The following HS6ST3 variants were observed in gnomAD, a reference collection of about 807,000 sequenced individuals.
HS6ST3 encodes the protein heparan-sulfate 6-O-sulfotransferase 3.
Under a neutral mutation model 36.7 loss-of-function variants are expected in HS6ST3, and 12 were observed. The observed-to-expected ratio is 0.33, with a 90% CI of 0.21 to 0.53. The LOEUF (loss-of-function observed/expected upper bound fraction) is 0.53, where lower values mean the gene tolerates loss of function less well. Among genes scored for constraint, HS6ST3 ranks in the 20% least tolerant of loss-of-function variants. The pLI, the probability that HS6ST3 is intolerant of heterozygous loss-of-function variation, is 0.95. For synonymous variants in HS6ST3, 240 were observed against 257.5 expected (o/e 0.93, Z 0.65); for missense variants, 584 against 640.9 (o/e 0.91, Z 0.96).
intron 1 of HS6ST3, among the ~76,000 whole-genome samples, chr13:96,672,664 C>T (rs2056686407): frequency 6.6e-6 from 1 of 152,096 alleles, no homozygotes; most frequent in Admixed American, 6.6e-5. Flanking sequence ...CCAACCGCTT[C>T]CTGAGAAAGA....
intron 1 of HS6ST3, among the ~76,000 whole-genome samples, chr13:96,551,106 A>G (rs570620602): frequency 4.0e-4 from 61 of 152,332 alleles, no homozygotes; most frequent in African/African-American, 1.4e-3. Flanking sequence ...GTTTACTCAG[A>G]GTATGCTAAT....
Position 96,801,424 on chromosome 13 carries a change from G to A in HS6ST3, c.708-31066G>A, listed in dbSNP as rs115561224. 3.8e-3 allele frequency among the ~76,000 whole-genome samples: 583 copies of A among 151,988 alleles called. 2 individuals carry two copies. The highest frequency in any genetic ancestry group is 0.013 in the African/African-American group (528 of 41,446). ...TCCAATATACCGTATGTCTTTCTAG[G>A]TTTATTTACCCTTCTGCTTGAATGG... On this transcript the variant is annotated intron_variant, in intron 1 of 1. Transcript: ENST00000376705.
In HS6ST3 at chr13:96,834,204, G is replaced by C. The variant is rs749798052; in HGVS notation, c.*1006G>C. ...CACAGAAAGAAAGATGTTTTTAAAA[G>C]CTTGGCCCAAAGAATAGGAACTTAG... On this transcript the variant is annotated 3_prime_UTR_variant, in exon 2 of 2. Coordinates refer to ENST00000376705, the MANE Select transcript of HS6ST3 (RefSeq NM_153456.4). The C allele has an allele frequency of 1.3e-5, 2 of 152,140 alleles. No homozygotes were observed. The highest frequency in any genetic ancestry group is 4.8e-5 in the African/African-American group (2 of 41,420). 9.4% of individuals were successfully genotyped at this position (152,140 alleles called of 1,614,324 possible). A position where few individuals can be genotyped will look rare whatever the true frequency, so the allele number is the denominator to read the frequency against.
intron 1 of HS6ST3, among the ~76,000 whole-genome samples, chr13:96,120,372 A>G (rs1272722824): frequency 1.3e-5 from 2 of 152,262 alleles, no homozygotes; most frequent in African/African-American, 2.4e-5. Context: ...CAGCTTTTGC[A>G]GTAATTTAAA....
intron 1 of HS6ST3, among the ~76,000 whole-genome samples, chr13:96,477,972 A>G (rs2055872143): frequency 6.6e-6 from 1 of 152,166 alleles, no homozygotes. Context: ...CCCAAACCAA[A>G]CAAAAACCTC....
chr13:96,219,011 G>A (rs147301266), intron 1 of HS6ST3, among the ~76,000 whole-genome samples: 10 of 152,032 alleles, frequency 6.6e-5, no homozygotes, highest in South Asian at 4.1e-4. Flanking sequence ...TGACAGGGCC[G>A]CATCTTTTCA....
chr13:96,091,259 G>C lies in HS6ST3; in HGVS notation c.397G>C (p.Asp133His). 1 of 1,609,512 alleles carries C rather than the reference G, an allele frequency of 6.2e-7. No homozygotes were observed. The highest frequency in any genetic ancestry group is 8.5e-7 in the Non-Finnish European group (1 of 1,177,940). ...GCCGCGCTTCAACTTCAGCCTGAAG[G>C]ACCTGACCCGCTTCGTGGATTTCAA... ...FVPRFNFSLK[D>H]LTRFVDFNIK... The change falls in exon 1 of 2, where the codon GAC (aspartate) becomes CAC (histidine). Residue 133 changes from aspartate (D) to histidine (H), a missense_variant. By Grantham distance (81) the Asp-to-His change is moderately conservative (BLOSUM62 -1). Around this residue, in one of 3 missense-constraint regions of HS6ST3, gnomAD observed 217 missense variants for 205.4 expected, o/e 1.06. Transcript: ENST00000376705.
At chr13:96,218,557 C>T (rs1175354143) in intron 1 of HS6ST3, among the ~76,000 whole-genome samples, 1 of 152,160 alleles carries the variant, frequency 6.6e-6, no homozygotes, top group Non-Finnish European at 1.5e-5. Flanking sequence ...CACTCACAGC[C>T]ACGTGGGGAG....
At chr13:96,547,631 C>T (rs1483939234) in intron 1 of HS6ST3, among the ~76,000 whole-genome samples, 17 of 152,168 alleles carry the variant, frequency 1.1e-4, no homozygotes, top group Admixed American at 1.1e-3. Context: ...GGTATTTCTG[C>T]AGAACATTTA....
intron 1 of HS6ST3, among the ~76,000 whole-genome samples, chr13:96,774,872 C>T (rs996504151): frequency 6.6e-6 from 1 of 152,082 alleles, no homozygotes; most frequent in Admixed American, 6.5e-5. Flanking sequence ...CCCCAAGACA[C>T]ATAATTGTCA....
intron 1 of HS6ST3, among the ~76,000 whole-genome samples, chr13:96,193,594 G>A (rs540203878): frequency 6.6e-6 from 1 of 152,024 alleles, no homozygotes; most frequent in Non-Finnish European, 1.5e-5. Context: ...TATTTAGGGT[G>A]ATACTGATTA....
At chr13:96,511,956 A>T (rs2056051593) in intron 1 of HS6ST3, among the ~76,000 whole-genome samples, 1 of 152,182 alleles carries the variant, frequency 6.6e-6, no homozygotes, top group African/African-American at 2.4e-5. Context: ...ATTATTTACT[A>T]GACAGACTAA....
At chr13:96,136,934 G>A (rs2054005352) in intron 1 of HS6ST3, among the ~76,000 whole-genome samples, 1 of 151,996 alleles carries the variant, frequency 6.6e-6, no homozygotes, top group South Asian at 2.1e-4. Context: ...GTGTGAAAGG[G>A]TCATGCTAGA....
chr13:96,402,120 T>C (rs758714870), intron 1 of HS6ST3, among the ~76,000 whole-genome samples: 75 of 152,182 alleles, frequency 4.9e-4, no homozygotes, highest in Non-Finnish European at 8.5e-4. Flanking sequence ...GTTACAGGCA[T>C]GCACTACTGC....
chr13:96,794,869 G>A (rs906456750), intron 1 of HS6ST3, among the ~76,000 whole-genome samples: 3 of 152,084 alleles, frequency 2.0e-5, no homozygotes, highest in Non-Finnish European at 4.4e-5. Context: ...CTGACTGACA[G>A]CACAAAGAAA....
rs114655208 is a variant in HS6ST3 at position 96,180,443 on chromosome 13, G to A, written c.707+88874G>A. Among the ~76,000 whole-genome samples, 1,481 of 151,536 alleles carry A rather than the reference G, an allele frequency of 9.8e-3. 25 individuals are homozygous for A. The highest frequency in any genetic ancestry group is 0.034 in the African/African-American group (1,415 of 41,416). Reference sequence around the variant, plus strand: ...AGTTTTTGTTGTTCTTGTTGCTTTCGAAAAGAAAAAAAGCTTTTATTCATA... The same window carrying A: ...AGTTTTTGTTGTTCTTGTTGCTTTCAAAAAGAAAAAAAGCTTTTATTCATA... On this transcript the variant is annotated intron_variant, in intron 1 of 1. Coordinates refer to ENST00000376705, the MANE Select transcript of HS6ST3 (RefSeq NM_153456.4).
intron 1 of HS6ST3, among the ~76,000 whole-genome samples, chr13:96,431,668 G>A (rs762554739): frequency 3.3e-5 from 5 of 152,066 alleles, no homozygotes; most frequent in Non-Finnish European, 7.4e-5. Context: ...TTATGCTCTT[G>A]GGCTCTGCTT....
At chr13:96,702,631 C>T (rs1875319107) in intron 1 of HS6ST3, among the ~76,000 whole-genome samples, 2 of 152,188 alleles carry the variant, frequency 1.3e-5, no homozygotes, top group Non-Finnish European at 2.9e-5. Flanking sequence ...CTATTGCAAA[C>T]CTACAAAGTG....
intron 1 of HS6ST3, among the ~76,000 whole-genome samples, chr13:96,496,775 G>T (rs1023969954): frequency 3.9e-5 from 6 of 152,122 alleles, no homozygotes; most frequent in Non-Finnish European, 8.8e-5. Flanking sequence ...AAGCTTTAGG[G>T]TGACTTATTA....
Sources: allele counts gnomAD v4.1 joint callset (sites outside exome capture counted in the v4.1 genomes callset), GRCh38; gene constraint gnomAD v4.1.1; regional missense constraint gnomAD v4.1.1; transcripts MANE v1.5; gene names NCBI Gene and HGNC (gene_info 2026-07-23, HGNC 2026-07-21).